NPAS2: variants seen among roughly 807,000 people sequenced by gnomAD.
The protein encoded by NPAS2 is neuronal PAS domain-containing protein 2.
In NPAS2, 23 loss-of-function variants were observed where a neutral mutation model predicts 107.5. That is an observed-to-expected ratio of 0.21 (90% CI 0.15 to 0.30). NPAS2 has a LOEUF of 0.30. Ranked by LOEUF, NPAS2 falls within the 10% of genes least tolerant of loss-of-function variation. The probability of loss-of-function intolerance (pLI) is 1.00; values close to 1 mark genes in which losing one functional copy is unlikely to be tolerated. For missense variants in NPAS2, 756 were observed against 1,043.3 expected (o/e 0.72, Z 3.79); for synonymous variants, 403 against 417.5 (o/e 0.97, Z 0.42).
At position 100,993,351 on chromosome 2, in the gene NPAS2, G is replaced by A. The variant is rs769150682; in HGVS notation, c.2116G>A (p.Ala706Thr). Residue 706 changes from alanine to threonine, a missense_variant, in exon 20 of 21, where the codon GCC becomes ACC. Around this residue, in one of 4 missense-constraint regions of NPAS2, gnomAD observed 496 missense variants for 594.4 expected, o/e 0.83. Coordinates refer to ENST00000335681, the MANE Select transcript of NPAS2 (RefSeq NM_002518.4). ...VSRTGRQVKYAQSQTVFQNPD... is the reference protein window; with the variant it reads ...VSRTGRQVKYTQSQTVFQNPD... ...TCTCCTTCCCACGTGAAACAGGTAC[G>A]CCCAGAGCCAGACCGTGTTTCAAAA... The A allele has an allele frequency of 6.3e-6, 10 of 1,584,610 alleles. No individual in the cohort carries two copies. The highest frequency in any genetic ancestry group is 6.0e-6 in the Non-Finnish European group (7 of 1,159,700).
chr2:100,841,307 A>G (rs529195285), intron 1 of NPAS2, among the ~76,000 whole-genome samples: 1 of 152,284 alleles, frequency 6.6e-6, no homozygotes, highest in South Asian at 2.1e-4. Flanking sequence ...GCATGGTGGC[A>G]GGCGCCTATA....
intron 2 of NPAS2, among the ~76,000 whole-genome samples, chr2:100,923,788 C>G (rs1468327165): frequency 6.6e-6 from 1 of 152,312 alleles, no homozygotes; most frequent in Admixed American, 6.5e-5. Flanking sequence ...CCTGGATCAC[C>G]TTCAAATACG....
At chr2:100,957,197 A>G (rs949998917) in intron 7 of NPAS2, among the ~76,000 whole-genome samples, 1 of 152,246 alleles carries the variant, frequency 6.6e-6, no homozygotes, top group African/African-American at 2.4e-5. Flanking sequence ...AAATGGGACA[A>G]GAAAGTAGTC....
intron 5 of NPAS2, 111 bp from the exon 6 acceptor site, chr2:100,948,124 T>C: frequency 8.1e-7 from 1 of 1,231,786 alleles, no homozygotes; most frequent in Non-Finnish European, 1.2e-6. Flanking sequence ...GATATTGAAC[T>C]TTCCATTTCA....
At chr2:100,874,326 C>T (rs1032982128) in intron 1 of NPAS2, among the ~76,000 whole-genome samples, 16 of 152,088 alleles carry the variant, frequency 1.1e-4, no homozygotes, top group Admixed American at 5.9e-4. Flanking sequence ...AGCAGAACAA[C>T]GATTGGTCAT....
chr2:100,879,673 C>T (rs976644774), intron 1 of NPAS2, among the ~76,000 whole-genome samples: 1 of 152,204 alleles, frequency 6.6e-6, no homozygotes, highest in Non-Finnish European at 1.5e-5. Flanking sequence ...GCAGGACCTC[C>T]TGATTCCCTT....
chr2:100,970,848 C>T lies in NPAS2; in HGVS notation c.1056-142C>T, dbSNP rs1676498560. 10 of 588,882 alleles carry T rather than the reference C, an allele frequency of 1.7e-5. No homozygotes were observed. In the East Asian group the frequency reaches 3.1e-4, roughly 18 times the overall value. 36.5% of individuals were successfully genotyped at this position (588,882 alleles called of 1,614,324 possible). A position where few individuals can be genotyped will look rare whatever the true frequency, so the allele number is the denominator to read the frequency against. On this transcript the variant is annotated intron_variant, in intron 11 of 20. Transcript: ENST00000335681. ...GACGCTCATTCCTTCCAACAAGTCA[C>T]AGGCTAGGCTCCTCTGTGTTGACTG...
At chr2:100,882,453 CA>C (rs1291417435) in intron 1 of NPAS2, among the ~76,000 whole-genome samples, 3 of 151,764 alleles carry the variant, frequency 2.0e-5, no homozygotes, top group Non-Finnish European at 4.4e-5. Context: ...ACTAAAAATA[CA>C]AAAAAAATTA....
chr2:100,980,857 G>A (rs1677391341), intron 15 of NPAS2, among the ~76,000 whole-genome samples: 1 of 152,144 alleles, frequency 6.6e-6, no homozygotes, highest in Non-Finnish European at 1.5e-5. Flanking sequence ...GGTCAAGATG[G>A]GAGTGTCTTG....
chr2:100,958,119 C>A (rs1675691489), intron 7 of NPAS2, among the ~76,000 whole-genome samples: 3 of 152,122 alleles, frequency 2.0e-5, no homozygotes, highest in Admixed American at 6.5e-5. Context: ...AAATAGGTCA[C>A]CCTCGGCAAA....
At chr2:100,925,367 G>C (rs780417150) in intron 3 of NPAS2, 73 bp downstream of exon 3, 47 of 1,535,330 alleles carry the variant, frequency 3.1e-5, no homozygotes, top group Non-Finnish European at 3.9e-5. Flanking sequence ...ACCAATCTGG[G>C]CTGCCTGGTT....
intron 1 of NPAS2, among the ~76,000 whole-genome samples, chr2:100,889,879 C>T (rs1363634177): frequency 2.6e-5 from 4 of 151,396 alleles, no homozygotes; most frequent in Admixed American, 6.6e-5. Flanking sequence ...TGCCATTTTC[C>T]GTATGAATGC....
rs547750166 is a variant in NPAS2, at chr2:100,928,598, G to C, written c.181+3304G>C. Among the ~76,000 whole-genome samples, 9 of 152,300 alleles carry C rather than the reference G, an allele frequency of 5.9e-5. No individual in the cohort carries two copies. The South Asian group carries it at 1.9e-3, about 32-fold the overall frequency. On this transcript the variant is annotated intron_variant, in intron 3 of 20. Transcript: ENST00000335681. ...GATGAAGGCCTACTCCGCACAACCT[G>C]CTTAAACACAATGAGGATCATGCCA...
At chr2:100,883,063 G>A (rs1680471860) in intron 1 of NPAS2, among the ~76,000 whole-genome samples, 1 of 152,192 alleles carries the variant, frequency 6.6e-6, no homozygotes, top group Non-Finnish European at 1.5e-5. Flanking sequence ...GCTGGAAACA[G>A]CTCCACAGCA....
At chr2:100,873,063 G>A (rs987451580) in intron 1 of NPAS2, among the ~76,000 whole-genome samples, 4 of 151,554 alleles carry the variant, frequency 2.6e-5, no homozygotes, top group Non-Finnish European at 4.4e-5. Flanking sequence ...AGCACTTTGG[G>A]AGGCTGGGGT....
At position 100,968,887 on chromosome 2, in the gene NPAS2, A is replaced by G. The variant is rs1676385338; in HGVS notation, c.1055+459A>G. On this transcript the variant is annotated intron_variant, in intron 11 of 20. Transcript: ENST00000335681. The surrounding 1 kb of genome is among the most constrained non-coding windows in gnomAD (Gnocchi z 5.3). ...AAAAACCCCTGCTGGCAACTGAGGC[A>G]GTGTTGGGAAAACAGCCTGGCTGCC... 6.6e-6 allele frequency among the ~76,000 whole-genome samples: 1 copy of G among 152,206 alleles called. No individual in the cohort carries two copies. Among genetic ancestry groups the G allele is most frequent in the Non-Finnish European group, 1.5e-5 (1 of 68,028 alleles).
intron 12 of NPAS2, among the ~76,000 whole-genome samples, chr2:100,971,465 G>T (rs972830258): frequency 6.6e-6 from 1 of 152,114 alleles, no homozygotes; most frequent in African/African-American, 2.4e-5. Flanking sequence ...CCCCGGCTGG[G>T]TTGTGGAGGA....
chr2:100,931,201 GC>G (rs1358078645), intron 3 of NPAS2, among the ~76,000 whole-genome samples: 1 of 152,164 alleles, frequency 6.6e-6, no homozygotes, highest in African/African-American at 2.4e-5. Flanking sequence ...CCCTCCAGGG[GC>G]CCTCTCAGTG....
intron 3 of NPAS2, among the ~76,000 whole-genome samples, chr2:100,927,015 T>A (rs1398094230): frequency 6.7e-6 from 1 of 149,476 alleles, no homozygotes; most frequent in Non-Finnish European, 1.5e-5. Context: ...CTAGGCTCAC[T>A]GCAAGCTCCG....
Sources: allele counts gnomAD v4.1 joint callset (sites outside exome capture counted in the v4.1 genomes callset), GRCh38; gene constraint gnomAD v4.1.1; regional missense constraint gnomAD v4.1.1; non-coding constraint Gnocchi (gnomAD v3.1); transcripts MANE v1.5; gene names NCBI Gene and HGNC (gene_info 2026-07-23, HGNC 2026-07-21).